Variants in RBPJ observed in about 807,000 individuals in gnomAD.
The protein encoded by RBPJ is recombining binding protein suppressor of hairless.
Under a neutral mutation model 67.8 loss-of-function variants are expected in RBPJ, and 9 were observed. The observed-to-expected ratio is 0.13, with a 90% confidence interval of 0.08 to 0.23. The LOEUF (loss-of-function observed/expected upper bound fraction) is 0.23, where lower values mean the gene tolerates loss of function less well. RBPJ is among the 10% of genes least tolerant of loss of function. The pLI is 1.00. For missense variants in RBPJ, 305 were observed against 595.6 expected (o/e 0.51, Z 5.08); for synonymous variants, 198 against 203.3 (o/e 0.97, Z 0.22).
At chr4:26,308,254 T>G (rs1722309172) in intron 1 of RBPJ, among the ~76,000 whole-genome samples, 2 of 151,698 alleles carry the variant, frequency 1.3e-5, no homozygotes, top group African/African-American at 4.8e-5. Context: ...CCAGCCTGGG[T>G]GACAGAGCAA....
chr4:26,407,503 G>A (rs1032705696), intron 3 of RBPJ, among the ~76,000 whole-genome samples: 1 of 152,100 alleles, frequency 6.6e-6, no homozygotes, highest in South Asian at 2.1e-4. Flanking sequence ...TTTAATTGGG[G>A]ACTTTCATTG....
At chr4:26,154,794 A>G in the RBPJ span, among the ~76,000 whole-genome samples, 2 of 152,218 alleles carry the variant, frequency 1.3e-5, no homozygotes, top group African/African-American at 4.8e-5. Flanking sequence ...AGTGTGTCCC[A>G]TAGCAAGGGA....
At chr4:26,199,374 G>C (rs183510452) in intron 1 of RBPJ, among the ~76,000 whole-genome samples, 48 of 152,338 alleles carry the variant, frequency 3.2e-4, no homozygotes, top group Non-Finnish European at 4.0e-4. Context: ...GGTGGAGCTT[G>C]CGGGGATTAG....
chr4:26,224,481 T>C (rs1239017898), intron 1 of RBPJ, among the ~76,000 whole-genome samples: 2 of 152,178 alleles, frequency 1.3e-5, no homozygotes, highest in Non-Finnish European at 2.9e-5. Context: ...CTATTTTCCC[T>C]AAGTGTCGGC....
chr4:26,159,921 CTCTT>C (rs1716045995), upstream of RBPJ, among the ~76,000 whole-genome samples: 1 of 150,056 alleles, frequency 6.7e-6, no homozygotes, highest in Non-Finnish European at 1.5e-5. Flanking sequence ...CTCTCTCTCT[CTCTT>C]TTTTTTTTTT....
chr4:26,362,519 AAGG>A (rs1728171168), intron 1 of RBPJ: 5 of 1,574,852 alleles, frequency 3.2e-6, no homozygotes, highest in Admixed American at 1.9e-5. Context: ...CTCAAAACGA[AAGG>A]AGAATGATAC....
intron 1 of RBPJ, among the ~76,000 whole-genome samples, chr4:26,241,041 C>CA (rs927233716): frequency 2.6e-5 from 4 of 151,744 alleles, no homozygotes; most frequent in African/African-American, 9.7e-5. Context: ...CCCGTTTCTA[C>CA]AAAAAATTAG....
chr4:26,282,123 C>CCT (rs139172060), intron 1 of RBPJ, among the ~76,000 whole-genome samples: 2 of 119,040 alleles, frequency 1.7e-5, no homozygotes, highest in South Asian at 2.7e-4. Context: ...CATTCGTAAT[C>CCT]CTCTCTCTCT....
Position 26,349,430 on chromosome 4 carries a change from T to C in RBPJ, c.20+28382T>C, listed in dbSNP as rs1443397035. On this transcript the variant is annotated intron_variant, in intron 1 of 10. Coordinates refer to ENST00000355476, the MANE Select transcript of RBPJ (RefSeq NM_015874.6). ...TGTTTAAATATCACTTCTTTTTATCTTTTTTATTTGAATATCACTTCTTTA... is the reference window on the plus strand; with the variant it reads ...TGTTTAAATATCACTTCTTTTTATCCTTTTTATTTGAATATCACTTCTTTA... Among the ~76,000 whole-genome samples, 3 of 152,216 alleles carry C rather than the reference T, an allele frequency of 2.0e-5. No homozygotes were observed. The East Asian group carries it at 5.8e-4, about 29-fold the overall frequency.
the RBPJ span, among the ~76,000 whole-genome samples, chr4:26,153,275 A>G: frequency 6.6e-6 from 1 of 152,242 alleles, no homozygotes; most frequent in African/African-American, 2.4e-5. Context: ...TTATTCACAC[A>G]TAAGTGTGAA....
intron 1 of RBPJ, among the ~76,000 whole-genome samples, chr4:26,183,916 G>T (rs1012729253): frequency 6.6e-6 from 1 of 152,132 alleles, no homozygotes; most frequent in African/African-American, 2.4e-5. Context: ...GGAGGCTGAG[G>T]CAGGAGAATC....
At chr4:26,230,073 T>C (rs1719223999) in intron 1 of RBPJ, among the ~76,000 whole-genome samples, 1 of 151,534 alleles carries the variant, frequency 6.6e-6, no homozygotes, top group Non-Finnish European at 1.5e-5. Context: ...ACCTATAATC[T>C]CAGCTACTTG....
intron 1 of RBPJ, among the ~76,000 whole-genome samples, chr4:26,246,635 C>A (rs755454246): frequency 2.0e-5 from 3 of 152,148 alleles, no homozygotes; most frequent in Non-Finnish European, 4.4e-5. Context: ...GAGAAGCAAG[C>A]CTGCCACCAG....
chr4:26,105,786 G>C, the RBPJ span, among the ~76,000 whole-genome samples: 26 of 152,290 alleles, frequency 1.7e-4, no homozygotes, highest in Admixed American at 9.8e-4. Flanking sequence ...AAAGTAAGTT[G>C]ACCTGTTACT....
At chr4:26,319,607 A>C, upstream of RBPJ, 44 of 535,988 alleles carry the variant, frequency 8.2e-5, no homozygotes, top group East Asian at 1.1e-4. Context: ...CAACAGGGGC[A>C]CGTTCTCGCG....
At chr4:26,344,310 C>T (rs1725889847) in intron 1 of RBPJ, among the ~76,000 whole-genome samples, 1 of 152,212 alleles carries the variant, frequency 6.6e-6, no homozygotes, top group Non-Finnish European at 1.5e-5. Flanking sequence ...TTTCGGCTCA[C>T]TGCAAGCTCT....
At chr4:26,159,383 G>C (rs1716037087), upstream of RBPJ, among the ~76,000 whole-genome samples, 1 of 152,192 alleles carries the variant, frequency 6.6e-6, no homozygotes. Flanking sequence ...AGGAGAAGCT[G>C]AGTTGGGGTG....
At chr4:26,343,739 C>CTTTTTTTTTTTTTTTTTTT (rs71186404) in intron 1 of RBPJ, among the ~76,000 whole-genome samples, 2 of 55,836 alleles carry the variant, frequency 3.6e-5, no homozygotes, top group African/African-American at 8.3e-5. Context: ...TTTCTTTCTT[C>CTTTTTTTTTTTTTTTTTTT]TTTTTTTTTT....
At chr4:26,371,136 G>T (rs28639645) in intron 1 of RBPJ, among the ~76,000 whole-genome samples, 6 of 150,898 alleles carry the variant, frequency 4.0e-5, no homozygotes, top group East Asian at 3.9e-4. Context: ...TTTCTCCATC[G>T]TGGAAATTAA....
Sources: allele counts gnomAD v4.1 joint callset (sites outside exome capture counted in the v4.1 genomes callset), GRCh38; gene constraint gnomAD v4.1.1; transcripts MANE v1.5; gene names NCBI Gene and HGNC (gene_info 2026-07-23, HGNC 2026-07-21).